Variants in TEX29 observed in about 807,000 individuals in gnomAD.
The protein encoded by TEX29 is testis expressed 29, also known as testis-expressed protein 29.
Under a neutral mutation model 18.2 loss-of-function variants are expected in TEX29, and 26 were observed. The ratio of observed to expected loss-of-function variants is 1.43; its 90% CI spans 1.04 to 1.98. The LOEUF is 1.98. Ranked by LOEUF, TEX29 falls within the 30% of genes most tolerant of loss-of-function variation. The pLI is 0.00. For synonymous variants in TEX29, 83 were observed against 78.5 expected (o/e 1.06, Z -0.31); for missense variants, 177 against 194.2 (o/e 0.91, Z 0.53).
chr13:111,325,241 C>T (rs1236247084), intron 2 of TEX29, among the ~76,000 whole-genome samples: 3 of 152,234 alleles, frequency 2.0e-5, no homozygotes, highest in African/African-American at 7.2e-5. Flanking sequence ...CTGGCCCAGC[C>T]GATGGCTCCT....
intron 5 of TEX29, 105 bp from the exon 6 acceptor site, chr13:111,343,978 G>A: frequency 1.1e-6 from 1 of 933,440 alleles, no homozygotes; most frequent in Admixed American, 2.0e-5. Flanking sequence ...ATCAATCATT[G>A]CCAATCAGAC....
intron 2 of TEX29, among the ~76,000 whole-genome samples, chr13:111,327,937 A>G (rs2093676721): frequency 6.6e-6 from 1 of 152,260 alleles, no homozygotes; most frequent in Non-Finnish European, 1.5e-5. Flanking sequence ...GAAATGTATT[A>G]TCTCCTAATC....
rs761897829 is a variant in TEX29, at chr13:111,328,171, G to A, written c.59-12G>A. On this transcript the variant is annotated splice_polypyrimidine_tract_variant and intron_variant, in intron 2 of 5. Transcript: ENST00000283547. ...TCGGGGGTGACACTTGTGTATGTCTGTGCTTTTGCAGTGTGTGACGTTCCT... is the reference window on the plus strand; with the variant it reads ...TCGGGGGTGACACTTGTGTATGTCTATGCTTTTGCAGTGTGTGACGTTCCT... 8.9e-6 allele frequency: 14 copies of A among 1,578,150 alleles called. No individual in the cohort carries two copies. The Admixed American group carries it at 1.3e-4, about 15-fold the overall frequency.
intron 4 of TEX29, 85 bp downstream of exon 4, chr13:111,340,017 T>C (rs2093695390): frequency 1.5e-6 from 2 of 1,359,748 alleles, no homozygotes; most frequent in African/African-American, 2.9e-5. Flanking sequence ...CCTGGGCTCC[T>C]TCGGGCTTGG....
chr13:111,321,792 G>A (rs968881202), intron 2 of TEX29, among the ~76,000 whole-genome samples: 2 of 151,988 alleles, frequency 1.3e-5, no homozygotes, highest in African/African-American at 2.4e-5. Flanking sequence ...GCGTGGTGGC[G>A]GGTTGCCTGT....
intron 2 of TEX29, 94 bp downstream of exon 2, chr13:111,321,042 G>C (rs959897196): frequency 3.4e-5 from 49 of 1,421,766 alleles, no homozygotes; most frequent in Middle Eastern, 2.4e-4. Flanking sequence ...GCGCGGACAG[G>C]GGGTCCTGGT....
chr13:111,318,487 C>T (rs1400541941), upstream of TEX29, among the ~76,000 whole-genome samples: 1 of 152,230 alleles, frequency 6.6e-6, no homozygotes, highest in Admixed American at 6.5e-5. Context: ...GGCGTGGCCT[C>T]TCCCTAGAAG....
upstream of TEX29, among the ~76,000 whole-genome samples, chr13:111,319,863 A>G (rs1275518925): frequency 2.0e-5 from 3 of 152,224 alleles, no homozygotes; most frequent in Non-Finnish European, 4.4e-5. Context: ...CCTCATGAGT[A>G]TCCCGTCCTT....
chr13:111,338,594 G>A (rs1451831076), intron 3 of TEX29, among the ~76,000 whole-genome samples: 1 of 152,180 alleles, frequency 6.6e-6, no homozygotes, highest in East Asian at 1.9e-4. Context: ...CGACTTGGAA[G>A]CAGTTTAGCA....
chr13:111,336,366 T>C (rs796544140), intron 3 of TEX29, among the ~76,000 whole-genome samples: 3 of 152,360 alleles, frequency 2.0e-5, no homozygotes, highest in African/African-American at 7.2e-5. Context: ...CAAGTTGTAG[T>C]ATTCAGTGAC....
chr13:111,330,949 G>A (rs557078625), intron 3 of TEX29, among the ~76,000 whole-genome samples: 1 of 152,090 alleles, frequency 6.6e-6, no homozygotes, highest in Non-Finnish European at 1.5e-5. Flanking sequence ...CCCATCTATC[G>A]GTTTATAGAC....
chr13:111,341,936 T>A (rs1046605065), intron 4 of TEX29, among the ~76,000 whole-genome samples: 10 of 152,224 alleles, frequency 6.6e-5, no homozygotes, highest in Admixed American at 1.3e-4. Flanking sequence ...AGGCTCTAAC[T>A]CAGGCTCCCA....
intron 3 of TEX29, among the ~76,000 whole-genome samples, chr13:111,333,156 TTC>T (rs1308791791): frequency 6.6e-6 from 1 of 152,170 alleles, no homozygotes; most frequent in Non-Finnish European, 1.5e-5. Flanking sequence ...GCTTTCAAGA[TTC>T]TCTCTTTGTC....
chr13:111,323,120 G>T (rs535075565), intron 2 of TEX29, among the ~76,000 whole-genome samples: 2 of 152,350 alleles, frequency 1.3e-5, no homozygotes, highest in Admixed American at 1.3e-4. Flanking sequence ...TCCCATGTGG[G>T]TGCAGAGCCC....
chr13:111,339,969 G>T (rs778644870), intron 4 of TEX29, 37 bp downstream of exon 4: 1 of 1,426,704 alleles, frequency 7.0e-7, no homozygotes. Flanking sequence ...GGGTGGGGAG[G>T]AGGGGACTCA....
intron 4 of TEX29, 75 bp downstream of exon 4, chr13:111,340,007 C>T: frequency 6.9e-7 from 1 of 1,447,386 alleles, no homozygotes; most frequent in Middle Eastern, 1.8e-4. Flanking sequence ...TTCCTGCCTG[C>T]CTGGGCTCCT....
intron 2 of TEX29, among the ~76,000 whole-genome samples, chr13:111,327,321 G>A (rs1325369237): frequency 6.6e-6 from 1 of 152,200 alleles, no homozygotes; most frequent in Admixed American, 6.5e-5. Context: ...CAACCCTAAG[G>A]AACACAAATG....
intron 2 of TEX29, among the ~76,000 whole-genome samples, chr13:111,325,503 G>GC (rs2093671410): frequency 6.6e-6 from 1 of 152,216 alleles, no homozygotes; most frequent in South Asian, 2.1e-4. Context: ...GCCCACCTCG[G>GC]CCCCCTTGGC....
At chr13:111,340,390 A>C (rs78112126) in intron 4 of TEX29, among the ~76,000 whole-genome samples, 30 of 9,094 alleles carry the variant, frequency 3.3e-3, no homozygotes, top group East Asian at 9.3e-3. Context: ...TGTTGATGAA[A>C]ATCATAACCC....
Sources: allele counts gnomAD v4.1 joint callset (sites outside exome capture counted in the v4.1 genomes callset), GRCh38; gene constraint gnomAD v4.1.1; transcripts MANE v1.5; gene names NCBI Gene and HGNC (gene_info 2026-07-23, HGNC 2026-07-21).